Variants in PDIA5 observed in about 807,000 individuals in gnomAD.
PDIA5 encodes the protein protein disulfide-isomerase A5.
PDIA5 carries 58 observed loss-of-function variants against 77.6 expected under a neutral mutation model. The observed-to-expected ratio is 0.75, with a 90% CI of 0.61 to 0.93. PDIA5 has a LOEUF of 0.93. Ranked by LOEUF, PDIA5 falls within the 40% of genes least tolerant of loss-of-function variation. PDIA5 has a pLI of 0.00. For missense variants in PDIA5, 630 were observed against 647.7 expected (o/e 0.97, Z 0.30); for synonymous variants, 250 against 252.1 (o/e 0.99, Z 0.08).
chr3:123,124,486 G>A, intron 10 of PDIA5, 143 bp downstream of exon 10: 1 of 718,282 alleles, frequency 1.4e-6, no homozygotes, highest in Non-Finnish European at 2.5e-6. Flanking sequence ...GCTGTCTCTG[G>A]CTTGAGTCTA....
intron 1 of PDIA5, among the ~76,000 whole-genome samples, chr3:123,068,342 C>T (rs999389160): frequency 3.9e-5 from 6 of 152,176 alleles, no homozygotes; most frequent in Admixed American, 3.9e-4. Flanking sequence ...TTTGGATCAC[C>T]AGTGAGGAGT....
Position 123,151,883 on chromosome 3 carries a change from G to T in PDIA5, c.1273+1519G>T, listed in dbSNP as rs13063280. Reference sequence around the variant, plus strand: ...CTCCTTCCTTCCTGCCCGCCTTCCTGCCTGCCTTCCTTCCTGCCTGCCTTC... The same window carrying T: ...CTCCTTCCTTCCTGCCCGCCTTCCTTCCTGCCTTCCTTCCTGCCTGCCTTC... On this transcript the variant is annotated intron_variant, in intron 14 of 16. Transcript: ENST00000316218. Among the ~76,000 whole-genome samples, 33 of 100,962 alleles carry T rather than the reference G, an allele frequency of 3.3e-4. 1 individual carries two copies. The East Asian group carries it at 3.6e-3, about 11-fold the overall frequency. 66.2% of individuals were successfully genotyped at this position (100,962 alleles called of 152,430 possible). A position where few individuals can be genotyped will look rare whatever the true frequency, so the allele number is the denominator to read the frequency against.
At chr3:123,126,179 A>G (rs1166044692) in intron 10 of PDIA5, among the ~76,000 whole-genome samples, 1 of 152,032 alleles carries the variant, frequency 6.6e-6, no homozygotes, top group Non-Finnish European at 1.5e-5. Flanking sequence ...GAAACAGGCT[A>G]TTATCTCCCC....
chr3:123,070,666 G>A (rs1560488557), intron 1 of PDIA5, among the ~76,000 whole-genome samples: 4 of 152,112 alleles, frequency 2.6e-5, no homozygotes, highest in Admixed American at 6.5e-5. Context: ...GATCCCTGCC[G>A]AGCCATGCTG....
intron 1 of PDIA5, among the ~76,000 whole-genome samples, chr3:123,072,279 T>C (rs1228989058): frequency 6.6e-6 from 1 of 152,106 alleles, no homozygotes; most frequent in African/African-American, 2.4e-5. Flanking sequence ...CCTGCCTCAG[T>C]TTTCTTGTTT....
chr3:123,103,213 G>A (rs1245898433), intron 5 of PDIA5, among the ~76,000 whole-genome samples: 2 of 152,200 alleles, frequency 1.3e-5, no homozygotes. Flanking sequence ...GCTTGTTCCA[G>A]ATGAGATATG....
At chr3:123,085,311 T>C (rs552227076) in intron 1 of PDIA5, among the ~76,000 whole-genome samples, 72 of 152,132 alleles carry the variant, frequency 4.7e-4, no homozygotes, top group Admixed American at 1.2e-3. Flanking sequence ...AGGGAGGAGA[T>C]GGATCCTTCA....
intron 6 of PDIA5, 24 bp from the exon 7 acceptor site, chr3:123,110,920 T>A: frequency 6.2e-7 from 1 of 1,600,050 alleles, no homozygotes; most frequent in South Asian, 1.1e-5. Context: ...TGCGAGCTGC[T>A]GGTATTCTCT....
At chr3:123,146,022 G>T in intron 12 of PDIA5, 77 bp from the exon 13 acceptor site, 1 of 1,386,412 alleles carries the variant, frequency 7.2e-7, no homozygotes, top group Non-Finnish European at 1.0e-6. Context: ...GGTTGTGGGG[G>T]CAGCGTCTGG....
At chr3:123,144,673 AG>A (rs1295611456) in intron 11 of PDIA5, 1 of 152,220 alleles carries the variant, frequency 6.6e-6, no homozygotes, top group Non-Finnish European at 1.5e-5. Context: ...TCACGAGGTC[AG>A]GAGATCGAGA....
intron 1 of PDIA5, among the ~76,000 whole-genome samples, chr3:123,087,134 A>C (rs182243212): frequency 6.6e-6 from 1 of 152,264 alleles, no homozygotes; most frequent in African/African-American, 2.4e-5. Context: ...CTGCCAACTG[A>C]AGACTCATAT....
intron 13 of PDIA5, 62 bp downstream of exon 13, chr3:123,146,321 T>A: frequency 2.9e-6 from 4 of 1,402,708 alleles, no homozygotes; most frequent in Non-Finnish European, 4.0e-6. Flanking sequence ...GGAGACCACC[T>A]TGAGGAGGTG....
chr3:123,140,600 C>T (rs1240267868), intron 11 of PDIA5, among the ~76,000 whole-genome samples: 1 of 94,852 alleles, frequency 1.1e-5, no homozygotes, highest in Non-Finnish European at 2.1e-5. Context: ...TGTTGCCTAT[C>T]CATCAGAGCA....
intron 10 of PDIA5, among the ~76,000 whole-genome samples, chr3:123,125,173 C>T (rs1431132215): frequency 6.6e-6 from 1 of 152,336 alleles, no homozygotes; most frequent in Non-Finnish European, 1.5e-5. Flanking sequence ...ACTCAGGCTG[C>T]GCTCTGTGTG....
chr3:123,131,510 G>C (rs554996961), intron 11 of PDIA5, among the ~76,000 whole-genome samples: 1 of 150,364 alleles, frequency 6.7e-6, no homozygotes, highest in South Asian at 2.1e-4. Context: ...CCTTACAAGT[G>C]GTCGCGGGCT....
At chr3:123,154,521 C>T (rs564673134) in intron 14 of PDIA5, among the ~76,000 whole-genome samples, 23 of 152,110 alleles carry the variant, frequency 1.5e-4, no homozygotes, top group Non-Finnish European at 2.2e-4. Flanking sequence ...GCCCCAAAAT[C>T]CCCCCACCCT....
chr3:123,104,073 C>T (rs1312302374), intron 5 of PDIA5, among the ~76,000 whole-genome samples: 1 of 152,190 alleles, frequency 6.6e-6, no homozygotes, highest in East Asian at 1.9e-4. Flanking sequence ...GTGGCCCCAG[C>T]ATGCCACTGG....
chr3:123,072,366 T>C (rs1933744205), intron 1 of PDIA5, among the ~76,000 whole-genome samples: 1 of 152,206 alleles, frequency 6.6e-6, no homozygotes, highest in Non-Finnish European at 1.5e-5. Context: ...AACACAGCGC[T>C]TGGCACGTGA....
At chr3:123,113,392 G>C (rs836835) in intron 7 of PDIA5, among the ~76,000 whole-genome samples, 1 of 152,088 alleles carries the variant, frequency 6.6e-6, no homozygotes, top group African/African-American at 2.4e-5. Flanking sequence ...CATCCTTCAC[G>C]ACAGAGAGGT....
Sources: gnomAD v4.1 joint callset for allele counts (sites outside exome capture counted in the v4.1 genomes callset) on GRCh38, gnomAD v4.1.1 for gene constraint, MANE v1.5 for transcripts, NCBI Gene and HGNC (gene_info 2026-07-23, HGNC 2026-07-21) for gene names.